Variants in ATAD2B observed in about 807,000 individuals in gnomAD.
The protein encoded by ATAD2B is ATPase family AAA domain containing 2B.
A neutral mutation model predicts 167.6 loss-of-function variants in ATAD2B; 40 were observed. That is an observed-to-expected ratio of 0.24 (90% CI 0.19 to 0.31). ATAD2B has a LOEUF of 0.31. ATAD2B is among the 10% of genes least tolerant of loss of function. The probability of loss-of-function intolerance (pLI) is 1.00; values close to 1 mark genes in which losing one functional copy is unlikely to be tolerated. For missense variants in ATAD2B, 1,242 were observed against 1,757.2 expected, an observed-to-expected ratio of 0.71 and a Z score of 5.24; for synonymous variants, 579 against 596.5, an observed-to-expected ratio of 0.97 and a Z score of 0.43.
At chr2:23,789,092 C>T (rs1005860369) in intron 19 of ATAD2B, among the ~76,000 whole-genome samples, 1 of 152,082 alleles carries the variant, frequency 6.6e-6, no homozygotes, top group East Asian at 1.9e-4. Context: ...TCTTTCCCTA[C>T]CAAGTCTATT....
At chr2:23,894,373 C>A (rs1399202107) in intron 2 of ATAD2B, among the ~76,000 whole-genome samples, 2 of 151,308 alleles carry the variant, frequency 1.3e-5, no homozygotes, top group East Asian at 3.9e-4. Context: ...CCCAAATACT[C>A]GGGAGACTGA....
intron 2 of ATAD2B, among the ~76,000 whole-genome samples, chr2:23,893,381 G>A (rs1394846584): frequency 6.6e-6 from 1 of 151,944 alleles, no homozygotes; most frequent in Non-Finnish European, 1.5e-5. Flanking sequence ...GTTTACCTTA[G>A]ATGCTCATAA....
intron 1 of ATAD2B, among the ~76,000 whole-genome samples, chr2:23,910,857 G>C (rs1363818528): frequency 6.9e-6 from 1 of 145,494 alleles, no homozygotes; most frequent in South Asian, 2.2e-4. Context: ...AACAGAGCAA[G>C]ACTCTGTCTC....
intron 13 of ATAD2B, among the ~76,000 whole-genome samples, chr2:23,843,450 C>G (rs1691252535): frequency 6.6e-6 from 1 of 152,138 alleles, no homozygotes; most frequent in African/African-American, 2.4e-5. Context: ...AGAGAAAACC[C>G]AAATATTACA....
At chr2:23,823,680 A>G (rs555282575) in intron 15 of ATAD2B, 111 bp from the exon 16 acceptor site, 5 of 952,588 alleles carry the variant, frequency 5.2e-6, no homozygotes, top group Non-Finnish European at 7.5e-6. Context: ...TACTAAATCA[A>G]TAACTATGTG....
At position 23,786,237 on chromosome 2, in the gene ATAD2B, A is replaced by C; in HGVS notation, c.2777-14T>G. 6.5e-7 allele frequency: 1 copy of C among 1,549,138 alleles called. No homozygotes were observed. Among genetic ancestry groups the C allele is most frequent in the Non-Finnish European group, 8.7e-7 (1 of 1,146,860 alleles). On this transcript the variant is annotated splice_polypyrimidine_tract_variant and intron_variant, in intron 20 of 27. Transcript: ENST00000238789. ...TAGCACAAAGAGCTAGAGAAAACAG[A>C]AGAAAATGTTAAGATTCCAACGTCG...
At chr2:23,913,072 G>A (rs148949741) in intron 1 of ATAD2B, among the ~76,000 whole-genome samples, 1 of 152,190 alleles carries the variant, frequency 6.6e-6, no homozygotes, top group African/African-American at 2.4e-5. Context: ...CAATCAATAA[G>A]TTCACATTAT....
chr2:23,695,431 G>A, the ATAD2B span, among the ~76,000 whole-genome samples: 13 of 151,776 alleles, frequency 8.6e-5, no homozygotes, highest in African/African-American at 2.4e-4. This position sits in a 1 kb window ranked among gnomAD's most constrained non-coding sequence, Gnocchi z 7.6. Flanking sequence ...CTGCGCTCCC[G>A]GCCCTCCCCT....
At chr2:23,892,590 G>C (rs1980164) in intron 2 of ATAD2B, among the ~76,000 whole-genome samples, 68,330 of 151,502 alleles carry the variant, frequency 0.45, 16,278 homozygotes, top group East Asian at 0.78. Context: ...TCGTGCCTCA[G>C]CCTCCCAACT....
At chr2:23,840,852 T>C (rs1162124990) in intron 13 of ATAD2B, among the ~76,000 whole-genome samples, 1 of 152,198 alleles carries the variant, frequency 6.6e-6, no homozygotes, top group Non-Finnish European at 1.5e-5. Context: ...TACCTTGTAG[T>C]TCTGTCAGTT....
In ATAD2B at chr2:23,750,857, A is replaced by G. The variant is rs1469893627; in HGVS notation, c.*1189T>C. On this transcript the variant is annotated 3_prime_UTR_variant, in exon 28 of 28. Transcript: ENST00000238789. ...TCAACAAGATTCAAAATGGTTTCCAATCAAAAAGAAGAGTTGTGAAGGTAA... is the reference window on the plus strand; with the variant it reads ...TCAACAAGATTCAAAATGGTTTCCAGTCAAAAAGAAGAGTTGTGAAGGTAA... 1 of 152,154 alleles carries G rather than the reference A, an allele frequency of 6.6e-6. No individual in the cohort carries two copies. The highest frequency in any genetic ancestry group is 1.5e-5 in the Non-Finnish European group (1 of 68,006). 9.4% of individuals were successfully genotyped at this position (152,154 alleles called of 1,614,324 possible).
intron 14 of ATAD2B, 24 bp from the exon 15 acceptor site, chr2:23,828,963 T>C: frequency 6.7e-7 from 1 of 1,482,242 alleles, no homozygotes; most frequent in Non-Finnish European, 9.4e-7. Context: ...CACAGATACA[T>C]AAAATCTTGC....
chr2:23,917,077 C>T (rs896911941), intron 1 of ATAD2B, among the ~76,000 whole-genome samples: 1 of 152,246 alleles, frequency 6.6e-6, no homozygotes, highest in Non-Finnish European at 1.5e-5. Context: ...AATGGTGCTT[C>T]CTGGACTTCT....
intron 13 of ATAD2B, among the ~76,000 whole-genome samples, chr2:23,849,687 G>T (rs974374005): frequency 6.6e-5 from 10 of 152,276 alleles, no homozygotes; most frequent in African/African-American, 2.4e-4. Flanking sequence ...AATTAGCTGG[G>T]CATGGTGGTG....
At chr2:23,860,814 T>A (rs1420957432) in intron 12 of ATAD2B, among the ~76,000 whole-genome samples, 1 of 151,980 alleles carries the variant, frequency 6.6e-6, no homozygotes. Context: ...GTACTAAAAA[T>A]ACAAAAATTA....
At chr2:23,912,506 CA>C (rs111424079) in intron 1 of ATAD2B, among the ~76,000 whole-genome samples, 3 of 144,156 alleles carry the variant, frequency 2.1e-5, no homozygotes, top group Non-Finnish European at 3.0e-5. Context: ...GACCCCATCT[CA>C]AAAAAAAACG....
intron 18 of ATAD2B, among the ~76,000 whole-genome samples, chr2:23,801,555 T>C (rs1205240188): frequency 1.3e-5 from 2 of 151,736 alleles, no homozygotes; most frequent in East Asian, 3.9e-4. Context: ...CGTTTCAAAA[T>C]ACCTCTGACA....
chr2:23,866,297 C>T (rs1351582843), intron 10 of ATAD2B, among the ~76,000 whole-genome samples: 1 of 152,128 alleles, frequency 6.6e-6, no homozygotes, highest in East Asian at 1.9e-4. Flanking sequence ...CCCAGCTACT[C>T]GGGAGGCTGA....
intron 13 of ATAD2B, among the ~76,000 whole-genome samples, chr2:23,853,535 T>C (rs2149924976): frequency 6.6e-6 from 1 of 152,248 alleles, no homozygotes; most frequent in East Asian, 1.9e-4. Context: ...GCTAAAACCA[T>C]AAGACACAGG....
Sources: allele counts gnomAD v4.1 joint callset (sites outside exome capture counted in the v4.1 genomes callset), GRCh38; gene constraint gnomAD v4.1.1; non-coding constraint Gnocchi (gnomAD v3.1); transcripts MANE v1.5; gene names NCBI Gene and HGNC (gene_info 2026-07-23, HGNC 2026-07-21).